Variants in MCUR1 observed in about 807,000 individuals in gnomAD.
MCUR1 encodes the protein mitochondrial calcium uniporter regulator 1.
In MCUR1, 37 loss-of-function variants were observed where a neutral mutation model predicts 42.0. The observed-to-expected ratio is 0.88, with a 90% CI of 0.68 to 1.16. The LOEUF (loss-of-function observed/expected upper bound fraction) is 1.16, where lower values mean the gene tolerates loss of function less well. MCUR1 is among the 50% of genes most tolerant of loss of function. MCUR1 has a pLI of 0.00. For synonymous variants in MCUR1, 229 were observed against 196.2 expected, an observed-to-expected ratio of 1.17 and a Z score of -1.40; for missense variants, 469 against 468.4, an observed-to-expected ratio of 1.00 and a Z score of -0.01.
chr6:13,809,996 C>A (rs1203868721), intron 1 of MCUR1, among the ~76,000 whole-genome samples: 1 of 152,024 alleles, frequency 6.6e-6, no homozygotes, highest in Non-Finnish European at 1.5e-5. Context: ...TGAGGTCAGG[C>A]ATTCACGATC....
chr6:13,808,711 A>C (rs1184976968), intron 1 of MCUR1, among the ~76,000 whole-genome samples: 1 of 152,114 alleles, frequency 6.6e-6, no homozygotes, highest in Non-Finnish European at 1.5e-5. Context: ...TAGTGGGTTC[A>C]GCTTCATTCT....
At chr6:13,801,234 T>A in intron 4 of MCUR1, 54 bp downstream of exon 4, 3 of 1,184,602 alleles carry the variant, frequency 2.5e-6, no homozygotes, top group Non-Finnish European at 3.7e-6. Context: ...GTATATAATT[T>A]ATCTCAATGT....
rs1760333566 is a variant in MCUR1, at chr6:13,814,509, T to A, written c.-80A>T. The A allele has an allele frequency of 7.7e-7, 1 of 1,299,880 alleles. No individual in the cohort carries two copies. Among genetic ancestry groups the A allele is most frequent in the South Asian group, 1.9e-5 (1 of 53,582 alleles). 80.5% of individuals were successfully genotyped at this position (1,299,880 alleles called of 1,614,324 possible). A position where few individuals can be genotyped will look rare whatever the true frequency, so the allele number is the denominator to read the frequency against. The stretch of plus-strand genomic sequence containing the variant: ...GGCCACGCGCGGTCCAGGCCCAGAG[T>A]CCGACAGCGGGAGCGAGCGTGGGCC... On this transcript the variant is annotated 5_prime_UTR_variant, in exon 1 of 9. Coordinates refer to ENST00000379170, the MANE Select transcript of MCUR1 (RefSeq NM_001031713.4).
chr6:13,799,045 C>T (rs750348864), intron 5 of MCUR1, 141 bp from the exon 6 acceptor site: 1 of 593,828 alleles, frequency 1.7e-6, no homozygotes, highest in Non-Finnish European at 3.0e-6. Flanking sequence ...CCAGGGGCTT[C>T]CAGAGAAATG....
At position 13,814,063 on chromosome 6, in the gene MCUR1, GGGCGCCGGC is replaced by G. The variant is rs1760303053; in HGVS notation, c.358_366del (p.Ala120_Ala122del). The G allele has an allele frequency of 8.1e-7, 1 of 1,239,366 alleles. No homozygotes were observed. Among genetic ancestry groups the G allele is most frequent in the Admixed American group, 4.2e-5 (1 of 23,694 alleles). 76.8% of individuals were successfully genotyped at this position (1,239,366 alleles called of 1,614,324 possible). ...GGCGCCGGGCCGTGGTACTGGGGAA[GGGCGCCGGC>G]GGCAGCGGCGACGCCCGGTGAGCAC... is the stretch of plus-strand genomic sequence containing the variant. On this transcript the variant is annotated inframe_deletion, in exon 1 of 9. Coordinates refer to ENST00000379170, the MANE Select transcript of MCUR1 (RefSeq NM_001031713.4).
intron 2 of MCUR1, chr6:13,803,640 A>C: frequency 1.6e-6 from 1 of 614,800 alleles, no homozygotes; most frequent in South Asian, 7.3e-5. Flanking sequence ...AAAACCTCCA[A>C]AGACCTATTC....
chr6:13,790,546 T>A lies in MCUR1; in HGVS notation c.*263A>T. On this transcript the variant is annotated 3_prime_UTR_variant, in exon 9 of 9. Coordinates refer to ENST00000379170, the MANE Select transcript of MCUR1 (RefSeq NM_001031713.4). ...GACGTGATCTCGGCTCACTACAAGC[T>A]CCGCCTCCCAGGTTCACACCTTAGC... 1 of 218,608 alleles carries A rather than the reference T, an allele frequency of 4.6e-6. No homozygotes were observed. Among genetic ancestry groups the A allele is most frequent in the Non-Finnish European group, 9.0e-6 (1 of 110,676 alleles). The allele number at this position is 218,608 out of a possible 1,614,324, so 13.5% of individuals were successfully genotyped here. A position where few individuals can be genotyped will look rare whatever the true frequency, so the allele number is the denominator to read the frequency against.
chr6:13,800,204 A>G (rs1561732285), intron 5 of MCUR1, 137 bp downstream of exon 5: 1 of 603,448 alleles, frequency 1.7e-6, no homozygotes, highest in African/African-American at 1.9e-5. Flanking sequence ...TAAATCTTCC[A>G]ATGTGTACTT....
chr6:13,790,879 C>A lies in MCUR1; in HGVS notation c.1025-15G>T, dbSNP rs1360895418. The A allele has an allele frequency of 3.8e-6, 6 of 1,588,982 alleles. No homozygotes were observed. The highest frequency in any genetic ancestry group is 1.1e-5 in the South Asian group (1 of 89,962). ...AAATATAGACCCTGTAAGAAAAAAA[C>A]AATTGAGAGTACTATTAGTTCTATT... On this transcript the variant is annotated splice_polypyrimidine_tract_variant and intron_variant, in intron 8 of 8. Coordinates refer to ENST00000379170, the MANE Select transcript of MCUR1 (RefSeq NM_001031713.4).
At chr6:13,794,972 T>G (rs1759823155) in intron 6 of MCUR1, among the ~76,000 whole-genome samples, 1 of 152,046 alleles carries the variant, frequency 6.6e-6, no homozygotes, top group South Asian at 2.1e-4. Flanking sequence ...GCAACAAGAT[T>G]TAATTGAGCA....
In MCUR1 at chr6:13,787,522, G is replaced by A. The variant is rs1295628242; in HGVS notation, c.*3287C>T. ...ATGTAGCAGGAGAGCATGGAAATCG[G>A]AGTTCAGACTCTTTAGAAAAGACAA... On this transcript the variant is annotated 3_prime_UTR_variant, in exon 9 of 9. Coordinates refer to ENST00000379170, the MANE Select transcript of MCUR1 (RefSeq NM_001031713.4). The A allele has an allele frequency of 2.0e-5, 3 of 152,218 alleles. No individual in the cohort carries two copies. Among genetic ancestry groups the A allele is most frequent in the African/African-American group, 7.2e-5 (3 of 41,450 alleles). 9.4% of individuals were successfully genotyped at this position (152,218 alleles called of 1,614,324 possible).
intron 8 of MCUR1, among the ~76,000 whole-genome samples, chr6:13,791,175 A>C (rs1759722086): frequency 6.6e-6 from 1 of 152,188 alleles, no homozygotes; most frequent in African/African-American, 2.4e-5. Flanking sequence ...AAGAAGCTGA[A>C]GCTACAGGCA....
Position 13,793,929 on chromosome 6 carries a change from T to G in MCUR1, c.874A>C (p.Lys292Gln). Residue 292 changes from lysine to glutamine, a missense_variant, in exon 7 of 9, where the codon AAG becomes CAG. Lys to Gln is a moderately conservative substitution (Grantham distance 53). Coordinates refer to ENST00000379170, the MANE Select transcript of MCUR1 (RefSeq NM_001031713.4). ...VKELYSLNEKKLLELRTEIVA... is the reference protein window; with the variant it reads ...VKELYSLNEKQLLELRTEIVA... The stretch of plus-strand genomic sequence containing the variant: ...ATTTCTGTTCTCAATTCCAGCAGCT[T>G]CTTTTCGTTCAATGAATACTGAAAT... 3.1e-6 allele frequency: 5 copies of G among 1,613,762 alleles called. No homozygotes were observed. Among genetic ancestry groups the G allele is most frequent in the Non-Finnish European group, 4.2e-6 (5 of 1,179,986 alleles).
intron 5 of MCUR1, among the ~76,000 whole-genome samples, chr6:13,799,585 C>T (rs1463539103): frequency 6.6e-6 from 1 of 152,178 alleles, no homozygotes; most frequent in Non-Finnish European, 1.5e-5. Flanking sequence ...GGACTCAAAG[C>T]AGCAAAATAT....
chr6:13,799,187 A>AT (rs11482576), intron 5 of MCUR1, among the ~76,000 whole-genome samples: 11,026 of 139,766 alleles, frequency 0.079, 561 homozygotes, highest in East Asian at 0.25. Context: ...TGTTGCTGCC[A>AT]TTTTTTTTTT....
Position 13,814,251 on chromosome 6 carries a change from C to A in MCUR1, c.179G>T (p.Arg60Leu). 2.0e-6 allele frequency: 3 copies of A among 1,472,746 alleles called. No individual in the cohort carries two copies. Among genetic ancestry groups the A allele is most frequent in the South Asian group, 1.3e-5 (1 of 77,800 alleles). 91.2% of individuals were successfully genotyped at this position (1,472,746 alleles called of 1,614,324 possible). Residue 60 changes from arginine (R) to leucine (L), a missense_variant, in exon 1 of 9, where the codon CGC (arginine) becomes CTC (leucine). Physicochemically the swap from Arg to Leu is moderately radical, Grantham distance 102. Transcript: ENST00000379170. ...GALRPRAPAARGGVSRASPLL... is the reference protein window; with the variant it reads ...GALRPRAPAALGGVSRASPLL... ...CGGTGAGGCACGTGACACGCCGCCGCGGGCCGCCGGGGCGCGAGGGCGCAG... is the reference window on the plus strand; with the variant it reads ...CGGTGAGGCACGTGACACGCCGCCGAGGGCCGCCGGGGCGCGAGGGCGCAG...
Position 13,814,243 on chromosome 6 carries a change from C to CGCCGCCGCGG in MCUR1, c.177_186dup (p.Val63ProfsTer179), listed in dbSNP as rs769851385. 39 of 1,470,434 alleles carry CGCCGCCGCGG rather than the reference C, an allele frequency of 2.7e-5. No homozygotes were observed. The highest frequency in any genetic ancestry group is 4.4e-5 in the African/African-American group (3 of 68,016). 91.1% of individuals were successfully genotyped at this position (1,470,434 alleles called of 1,614,324 possible). On this transcript the variant is annotated frameshift_variant, in exon 1 of 9. Transcript: ENST00000379170. LOFTEE classifies it high-confidence loss of function. ...AGGAGCAGCGGTGAGGCACGTGACA[C>CGCCGCCGCGG]GCCGCCGCGGGCCGCCGGGGCGCGA...
chr6:13,797,640 G>A (rs1759887467), intron 6 of MCUR1, among the ~76,000 whole-genome samples: 1 of 151,740 alleles, frequency 6.6e-6, no homozygotes, highest in Admixed American at 6.6e-5. Flanking sequence ...CCCGGGAGGC[G>A]AAGCTTGCAG....
chr6:13,794,153 A>T (rs1438206728), intron 6 of MCUR1, among the ~76,000 whole-genome samples: 1 of 149,544 alleles, frequency 6.7e-6, no homozygotes, highest in Non-Finnish European at 1.5e-5. Context: ...GGGCTTTGCC[A>T]TGTTGCCCAG....
Sources: allele counts gnomAD v4.1 joint callset (sites outside exome capture counted in the v4.1 genomes callset), GRCh38; gene constraint gnomAD v4.1.1; transcripts MANE v1.5; gene names NCBI Gene and HGNC (gene_info 2026-07-23, HGNC 2026-07-21).